The following EXTL3 variants were observed in gnomAD, a reference collection of about 807,000 sequenced individuals.
EXTL3 encodes exostosin like glycosyltransferase 3.
In EXTL3, 27 loss-of-function variants were observed where a neutral mutation model predicts 69.3. That is an observed-to-expected ratio of 0.39 (90% CI 0.29 to 0.54). The LOEUF is 0.54. EXTL3 is among the 20% of genes least tolerant of loss of function. The pLI, the probability that EXTL3 is intolerant of heterozygous loss-of-function variation, is 0.69. For synonymous variants in EXTL3, 511 were observed against 499.4 expected (o/e 1.02, Z -0.31); for missense variants, 1,003 against 1,231.8 (o/e 0.81, Z 2.78).
intron 1 of EXTL3, among the ~76,000 whole-genome samples, chr8:28,626,841 G>A (rs1008441561): frequency 3.3e-5 from 5 of 152,192 alleles, no homozygotes; most frequent in African/African-American, 1.2e-4. Context: ...GTCAGCATGG[G>A]AGTGAGACCG....
chr8:28,727,847 A>G (rs1455814667), intron 3 of EXTL3, among the ~76,000 whole-genome samples: 1 of 152,184 alleles, frequency 6.6e-6, no homozygotes, highest in Non-Finnish European at 1.5e-5. Flanking sequence ...CTGCACTCCT[A>G]CAGGCTCCGG....
At chr8:28,626,321 A>G (rs892932936) in intron 1 of EXTL3, among the ~76,000 whole-genome samples, 1 of 152,014 alleles carries the variant, frequency 6.6e-6, no homozygotes. Flanking sequence ...GAGCCACTGG[A>G]AACTTTGGTG....
chr8:28,748,950 A>G lies in EXTL3; in HGVS notation c.2551-1707A>G, dbSNP rs115325357. Reference sequence around the variant, plus strand: ...ATGGGGAGTCCCCAGGGAAAAAACAAAAAAGAAAACTAGACCCAGTCGTCG... The same window carrying G: ...ATGGGGAGTCCCCAGGGAAAAAACAGAAAAGAAAACTAGACCCAGTCGTCG... On this transcript the variant is annotated intron_variant, in intron 6 of 6. Coordinates refer to ENST00000220562, the MANE Select transcript of EXTL3 (RefSeq NM_001440.4). Among the ~76,000 whole-genome samples, 381 of 152,346 alleles carry G rather than the reference A, an allele frequency of 2.5e-3. 1 individual carries two copies. Among genetic ancestry groups the G allele is most frequent in the African/African-American group, 8.6e-3 (358 of 41,576 alleles).
chr8:28,634,122 G>T (rs1806615945), intron 1 of EXTL3, among the ~76,000 whole-genome samples: 1 of 152,192 alleles, frequency 6.6e-6, no homozygotes, highest in African/African-American at 2.4e-5. Context: ...AGTGGAGCAG[G>T]CTGAGAAATC....
At chr8:28,670,502 G>A (rs1483868858) in intron 1 of EXTL3, among the ~76,000 whole-genome samples, 4 of 152,194 alleles carry the variant, frequency 2.6e-5, no homozygotes, top group African/African-American at 9.7e-5. Flanking sequence ...TCGAAAACCA[G>A]CAGGCTTGAG....
chr8:28,692,167 T>C (rs1461973905), intron 1 of EXTL3, among the ~76,000 whole-genome samples: 1 of 152,244 alleles, frequency 6.6e-6, no homozygotes, highest in Admixed American at 6.5e-5. Flanking sequence ...TACATGTTTC[T>C]TTTGACATGA....
chr8:28,729,595 C>CAAAAAAAAA, intron 3 of EXTL3, among the ~76,000 whole-genome samples: 1 of 33,238 alleles, frequency 3.0e-5, no homozygotes. Flanking sequence ...GACTCCATCT[C>CAAAAAAAAA]AAAAAAAAAA....
In EXTL3 at chr8:28,717,580, T is replaced by A. The variant is rs545077269; in HGVS notation, c.1521T>A (p.Ala507=). The A allele has an allele frequency of 1.2e-6, 2 of 1,614,236 alleles. No individual in the cohort carries two copies. The highest frequency in any genetic ancestry group is 1.1e-5 in the South Asian group (1 of 91,088). Residue 507 remains alanine (A), a synonymous_variant, in exon 3 of 7, where the codon GCT becomes GCA. Coordinates refer to ENST00000220562, the MANE Select transcript of EXTL3 (RefSeq NM_001440.4). The surrounding 1 kb of genome is among the most constrained non-coding windows in gnomAD (Gnocchi z 8.3). Reference sequence around the variant, plus strand: ...GCCTCTCCGATAGTGACCTCCTGGCTATGAGGCGGCAAGGCCGCTTTCTCT... The same window carrying A: ...GCCTCTCCGATAGTGACCTCCTGGCAATGAGGCGGCAAGGCCGCTTTCTCT... ...LRSLSDSDLL[A]MRRQGRFLWE...
chr8:28,711,647 C>G (rs757088114), intron 1 of EXTL3, among the ~76,000 whole-genome samples: 4 of 152,198 alleles, frequency 2.6e-5, no homozygotes, highest in Admixed American at 6.5e-5. Flanking sequence ...GGCCATCCAG[C>G]TGCCTCCTGG....
At chr8:28,718,535 T>C (rs2130743561) in intron 3 of EXTL3, among the ~76,000 whole-genome samples, 1 of 152,340 alleles carries the variant, frequency 6.6e-6, no homozygotes, top group Middle Eastern at 3.4e-3. Context: ...TAAGCTACCA[T>C]TTAGGAAGCA....
chr8:28,718,440 T>G (rs1234136206), intron 3 of EXTL3, among the ~76,000 whole-genome samples: 1 of 152,180 alleles, frequency 6.6e-6, no homozygotes, highest in Non-Finnish European at 1.5e-5. Context: ...TCCCCAAAAC[T>G]GAAACTGATT....
At chr8:28,658,259 G>A (rs763367553) in intron 1 of EXTL3, among the ~76,000 whole-genome samples, 39 of 152,192 alleles carry the variant, frequency 2.6e-4, no homozygotes, top group Non-Finnish European at 4.7e-4. Flanking sequence ...CTCAGCAGGG[G>A]ATATTTTTTC....
intron 1 of EXTL3, among the ~76,000 whole-genome samples, chr8:28,692,962 G>C (rs1042304153): frequency 6.6e-6 from 1 of 152,084 alleles, no homozygotes; most frequent in African/African-American, 2.4e-5. Context: ...GCGTCTAACT[G>C]AGCACATTTT....
intron 3 of EXTL3, among the ~76,000 whole-genome samples, chr8:28,727,342 C>G (rs1453676233): frequency 6.6e-6 from 1 of 152,138 alleles, no homozygotes; most frequent in Non-Finnish European, 1.5e-5. Context: ...CTTGTTGCTT[C>G]TTGATATCTA....
chr8:28,712,191 C>G (rs1801043704), intron 1 of EXTL3, among the ~76,000 whole-genome samples: 1 of 152,184 alleles, frequency 6.6e-6, no homozygotes, highest in South Asian at 2.1e-4. Flanking sequence ...TGGGGAAGAA[C>G]ATTTCAGACA....
At chr8:28,708,447 A>T (rs867471272) in intron 1 of EXTL3, among the ~76,000 whole-genome samples, 1,624 of 108,440 alleles carry the variant, frequency 0.015, 34 homozygotes, top group African/African-American at 0.048. Flanking sequence ...TTTTTTTTTT[A>T]AACAGAAGAC....
intron 1 of EXTL3, among the ~76,000 whole-genome samples, chr8:28,687,098 A>G (rs1437626988): frequency 1.3e-5 from 2 of 152,198 alleles, no homozygotes; most frequent in Non-Finnish European, 2.9e-5. Flanking sequence ...AAGGATAACA[A>G]CTGATGTTTC....
chr8:28,615,482 G>T (rs752842602), intron 2 of EXTL3, among the ~76,000 whole-genome samples: 1 of 152,154 alleles, frequency 6.6e-6, no homozygotes, highest in African/African-American at 2.4e-5. Flanking sequence ...GAATTGACCC[G>T]TTTGTCGTTA....
chr8:28,675,803 C>T lies in EXTL3; in HGVS notation c.-52-37654C>T, dbSNP rs1360455422. ...TTGGGAGGCCAAGGCGGTCAGATCA[C>T]TTGAGGTCAGGAGTTCGAGACCAGC... On this transcript the variant is annotated intron_variant, in intron 1 of 6. Transcript: ENST00000523149. 1.2e-4 allele frequency among the ~76,000 whole-genome samples: 19 copies of T among 152,142 alleles called. 1 individual carries two copies. The highest frequency in any genetic ancestry group is 4.6e-4 in the Admixed American group (7 of 15,260).
Sources: allele counts gnomAD v4.1 joint callset (sites outside exome capture counted in the v4.1 genomes callset), GRCh38; gene constraint gnomAD v4.1.1; non-coding constraint Gnocchi (gnomAD v3.1); transcripts MANE v1.5; gene names NCBI Gene and HGNC (gene_info 2026-07-23, HGNC 2026-07-21).